The following SPECC1 variants were observed in gnomAD, a reference collection of about 807,000 sequenced individuals.
The protein encoded by SPECC1 is sperm antigen with calponin homology and coiled-coil domains 1.
SPECC1 carries 62 observed loss-of-function variants against 104.1 expected under a neutral mutation model. The observed-to-expected ratio is 0.60, with a 90% confidence interval of 0.49 to 0.74. SPECC1 has a LOEUF of 0.74. SPECC1 is among the 30% of genes least tolerant of loss of function. SPECC1 has a pLI of 0.00. For synonymous variants in SPECC1, 513 were observed against 501.6 expected (o/e 1.02, Z -0.30); for missense variants, 1,306 against 1,310.5 (o/e 1.00, Z 0.05).
intron 12 of SPECC1, among the ~76,000 whole-genome samples, chr17:20,265,497 A>G (rs2040188390): frequency 6.6e-6 from 1 of 151,958 alleles, no homozygotes; most frequent in African/African-American, 2.4e-5. Flanking sequence ...TAGATTCTGG[A>G]TATTAGATGC....
intron 1 of SPECC1, among the ~76,000 whole-genome samples, chr17:20,032,738 T>G (rs2044868540): frequency 6.6e-6 from 1 of 152,096 alleles, no homozygotes; most frequent in African/African-American, 2.4e-5. Flanking sequence ...TAATGGTTAC[T>G]CCAAAGTCTT....
intron 3 of SPECC1, among the ~76,000 whole-genome samples, chr17:20,116,616 C>T (rs886475619): frequency 6.6e-6 from 1 of 151,854 alleles, no homozygotes; most frequent in Non-Finnish European, 1.5e-5. Context: ...AAACTTAGTA[C>T]AAGATATAAA....
intron 3 of SPECC1, among the ~76,000 whole-genome samples, chr17:20,163,518 C>T (rs1482180878): frequency 6.6e-6 from 1 of 150,932 alleles, no homozygotes; most frequent in Non-Finnish European, 1.5e-5. Context: ...CTTAGTGATT[C>T]TTAAGTCCTC....
intron 12 of SPECC1, among the ~76,000 whole-genome samples, chr17:20,289,829 T>TA (rs372509200): frequency 4.9e-4 from 75 of 152,250 alleles, no homozygotes; most frequent in African/African-American, 1.8e-3. Flanking sequence ...TTTAGGAGTA[T>TA]AATGTTCTTG....
intron 1 of SPECC1, among the ~76,000 whole-genome samples, chr17:20,072,060 G>C (rs1375360767): frequency 2.6e-5 from 4 of 152,228 alleles, no homozygotes; most frequent in Admixed American, 1.3e-4. Context: ...GGGTTGGACA[G>C]TGTATCACCT....
At chr17:20,060,805 T>G (rs747632982) in intron 1 of SPECC1, among the ~76,000 whole-genome samples, 3 of 152,176 alleles carry the variant, frequency 2.0e-5, no homozygotes, top group African/African-American at 4.8e-5. Flanking sequence ...TGAACTGATG[T>G]GATGGTACAA....
At chr17:20,048,943 T>C (rs2045642180) in intron 1 of SPECC1, among the ~76,000 whole-genome samples, 1 of 152,078 alleles carries the variant, frequency 6.6e-6, no homozygotes, top group African/African-American at 2.4e-5. Context: ...TTATCTTTTG[T>C]GAAAAATAAT....
At chr17:20,248,999 T>A (rs2039525383) in intron 9 of SPECC1, among the ~76,000 whole-genome samples, 2 of 152,240 alleles carry the variant, frequency 1.3e-5, no homozygotes, top group African/African-American at 4.8e-5. Context: ...GATTTAGATA[T>A]TCTTCCCCTA....
chr17:20,192,890 C>T (rs758767988), intron 3 of SPECC1, among the ~76,000 whole-genome samples: 4 of 151,998 alleles, frequency 2.6e-5, no homozygotes, highest in Admixed American at 6.6e-5. Flanking sequence ...AAAGGGGGCC[C>T]GATCCAGACC....
chr17:20,036,995 T>G (rs1311397023), intron 1 of SPECC1, among the ~76,000 whole-genome samples: 1 of 152,186 alleles, frequency 6.6e-6, no homozygotes, highest in Non-Finnish European at 1.5e-5. Flanking sequence ...TTTATTCTTA[T>G]TTTTCTTATT....
At chr17:20,074,366 T>G (rs2046675249) in intron 1 of SPECC1, among the ~76,000 whole-genome samples, 1 of 152,230 alleles carries the variant, frequency 6.6e-6, no homozygotes, top group South Asian at 2.1e-4. Flanking sequence ...GTGGCTTTTC[T>G]GGGAAGTTAT....
At chr17:20,241,909 G>A (rs2039219822) in intron 7 of SPECC1, among the ~76,000 whole-genome samples, 1 of 152,182 alleles carries the variant, frequency 6.6e-6, no homozygotes, top group African/African-American at 2.4e-5. Flanking sequence ...GGGCATAAAA[G>A]TAAAAAACTT....
intron 3 of SPECC1, among the ~76,000 whole-genome samples, chr17:20,111,420 G>A (rs1462337491): frequency 6.6e-6 from 1 of 152,162 alleles, no homozygotes; most frequent in Non-Finnish European, 1.5e-5. Flanking sequence ...TCTTTTCTTG[G>A]ATATAAAGGG....
chr17:20,312,112 A>G (rs1172282426), intron 14 of SPECC1, among the ~76,000 whole-genome samples: 2 of 152,182 alleles, frequency 1.3e-5, no homozygotes, highest in South Asian at 2.1e-4. Flanking sequence ...TATCAGGATA[A>G]TGTTGGGATC....
chr17:20,205,581 G>A lies in SPECC1; in HGVS notation c.1532G>A (p.Arg511His), dbSNP rs572226219. ...CAAGGAGCTTTAGAAATGATTAAAC[G>A]TCTGAAGGAAGAAAATGAAAAACTG... Reference protein sequence around the residue: ...ENQGALEMIKRLKEENEKLNE... With the variant: ...ENQGALEMIKHLKEENEKLNE... Residue 511 changes from arginine (R) to histidine (H), a missense_variant, in exon 4 of 15, where the codon CGT (arginine) becomes CAT (histidine). Physicochemically the swap from Arg to His is conservative, Grantham distance 29. Transcript: ENST00000395527. The A allele has an allele frequency of 8.0e-5, 129 of 1,614,058 alleles. No homozygotes were observed. The highest frequency in any genetic ancestry group is 4.2e-4 in the Admixed American group (25 of 59,994).
intron 12 of SPECC1, among the ~76,000 whole-genome samples, chr17:20,275,046 T>C (rs139946449): frequency 6.6e-6 from 1 of 151,970 alleles, no homozygotes; most frequent in Admixed American, 6.5e-5. Context: ...CGGGGGATGT[T>C]TTAAGTCCAG....
intron 1 of SPECC1, among the ~76,000 whole-genome samples, chr17:20,021,303 T>C (rs1567797184): frequency 6.6e-6 from 1 of 152,164 alleles, no homozygotes; most frequent in African/African-American, 2.4e-5. Flanking sequence ...TGTGCATCTA[T>C]TTTTAATTTA....
intron 3 of SPECC1, among the ~76,000 whole-genome samples, chr17:20,170,332 C>G (rs1337377266): frequency 1.3e-5 from 2 of 152,210 alleles, no homozygotes; most frequent in Non-Finnish European, 2.9e-5. Context: ...CTTGTATTTC[C>G]AGGAAAGTTT....
chr17:20,112,199 G>T (rs2152525042), intron 3 of SPECC1: 1 of 764,146 alleles, frequency 1.3e-6, no homozygotes, highest in Non-Finnish European at 2.4e-6. Flanking sequence ...AAAGATGTCT[G>T]GGAAATAAGC....
Sources: gnomAD v4.1 joint callset for allele counts (sites outside exome capture counted in the v4.1 genomes callset) on GRCh38, gnomAD v4.1.1 for gene constraint, MANE v1.5 for transcripts, NCBI Gene and HGNC (gene_info 2026-07-23, HGNC 2026-07-21) for gene names.